Variants in DDX60L observed in about 807,000 individuals in gnomAD.
The protein encoded by DDX60L is probable ATP-dependent RNA helicase DDX60-like.
In DDX60L, 191 loss-of-function variants were observed where a neutral mutation model predicts 211.6. The observed-to-expected ratio is 0.90, with a 90% CI of 0.80 to 1.02. The LOEUF is 1.02. DDX60L is among the 50% of genes least tolerant of loss of function. DDX60L has a pLI of 0.00. For synonymous variants in DDX60L, 706 were observed against 694.1 expected, an observed-to-expected ratio of 1.02 and a Z score of -0.27; for missense variants, 2,007 against 1,984.1, an observed-to-expected ratio of 1.01 and a Z score of -0.22.
chr4:168,406,015 T>C lies in DDX60L; in HGVS notation c.3148A>G (p.Arg1050Gly), dbSNP rs1302592120. 2 of 1,603,714 alleles carry C rather than the reference T, an allele frequency of 1.2e-6. No individual in the cohort carries two copies. Among genetic ancestry groups the C allele is most frequent in the Admixed American group, 1.7e-5 (1 of 58,308 alleles). ...NKIVIKKLDA[R>G]KYEENLKAEL... ...GCCTTTAAGTTTTCTTCATATTTTC[T>C]AGCATCCAACTTCTTAATGACTATC... is the stretch of plus-strand genomic sequence containing the variant. Residue 1050 changes from arginine to glycine, a missense_variant, in exon 24 of 38, where the codon AGA becomes GGA. By Grantham distance (125) the Arg-to-Gly change is moderately radical (BLOSUM62 -2). Coordinates refer to ENST00000682922, the MANE Select transcript of DDX60L (RefSeq NM_001012967.3).
chr4:168,414,706 A>G (rs1749241625), intron 22 of DDX60L, among the ~76,000 whole-genome samples: 3 of 152,116 alleles, frequency 2.0e-5, no homozygotes, highest in Admixed American at 2.0e-4. Context: ...ATCGTTTGCA[A>G]CAACATAGAT....
intron 36 of DDX60L, among the ~76,000 whole-genome samples, chr4:168,368,343 T>C (rs187900876): frequency 6.6e-6 from 1 of 152,334 alleles, no homozygotes; most frequent in East Asian, 1.9e-4. Flanking sequence ...CCCCAAGCCT[T>C]GGTAGCTTCC....
intron 13 of DDX60L, among the ~76,000 whole-genome samples, chr4:168,428,079 C>A (rs2149919140): frequency 6.6e-6 from 1 of 152,326 alleles, no homozygotes; most frequent in South Asian, 2.1e-4. Flanking sequence ...CTGGGTGAGG[C>A]CCTTGCACAA....
intron 28 of DDX60L, among the ~76,000 whole-genome samples, chr4:168,393,157 A>G (rs527999019): frequency 6.6e-6 from 1 of 152,284 alleles, no homozygotes; most frequent in South Asian, 2.1e-4. Context: ...AAACAGCAAG[A>G]AACAACTTTT....
Position 168,373,814 on chromosome 4 carries a change from C to T in DDX60L, c.4634-6G>A. 1 of 1,612,216 alleles carries T rather than the reference C, an allele frequency of 6.2e-7. No individual in the cohort carries two copies. Among genetic ancestry groups the T allele is most frequent in the Non-Finnish European group, 8.5e-7 (1 of 1,179,088 alleles). On this transcript the variant is annotated splice_region_variant and splice_polypyrimidine_tract_variant and intron_variant, in intron 34 of 37. Coordinates refer to ENST00000682922, the MANE Select transcript of DDX60L (RefSeq NM_001012967.3). ...ACATTCTTTACCTGTGAATTCTGAC[C>T]ATTTTGGACTAGGTCACGTTAGGTT...
intron 28 of DDX60L, among the ~76,000 whole-genome samples, chr4:168,393,030 T>A (rs533138891): frequency 6.6e-6 from 1 of 152,346 alleles, no homozygotes; most frequent in Non-Finnish European, 1.5e-5. Flanking sequence ...GGAGTGACCT[T>A]TGCCCATAAT....
chr4:168,365,915 A>G (rs189400673), intron 36 of DDX60L, among the ~76,000 whole-genome samples: 28 of 152,312 alleles, frequency 1.8e-4, no homozygotes, highest in African/African-American at 6.5e-4. Flanking sequence ...ACAGGAAAAC[A>G]AAAACCATAT....
At chr4:168,434,316 T>C (rs2634945) in intron 10 of DDX60L, among the ~76,000 whole-genome samples, 67,316 of 152,014 alleles carry the variant, frequency 0.44, 15,213 homozygotes, top group South Asian at 0.53. Flanking sequence ...ATTGGACATG[T>C]GATTGACCTA....
chr4:168,388,195 A>G (rs1744216766), intron 29 of DDX60L, among the ~76,000 whole-genome samples: 1 of 152,186 alleles, frequency 6.6e-6, no homozygotes, highest in African/African-American at 2.4e-5. Flanking sequence ...CATTTCCCCA[A>G]AGCTGGAGTA....
chr4:168,421,994 T>G, intron 16 of DDX60L, 85 bp from the exon 17 acceptor site: 2 of 1,555,306 alleles, frequency 1.3e-6, no homozygotes, highest in Non-Finnish European at 1.8e-6. Flanking sequence ...ACCTTCTGTC[T>G]CCTGTGCCTG....
At chr4:168,449,073 A>AT (rs1254775737) in intron 8 of DDX60L, among the ~76,000 whole-genome samples, 2 of 152,200 alleles carry the variant, frequency 1.3e-5, no homozygotes, top group Non-Finnish European at 2.9e-5. Context: ...CACCTTTGTC[A>AT]TGCAGGTCCT....
Position 168,455,816 on chromosome 4 carries a change from CAT to C in DDX60L, c.837+221_837+222del, listed in dbSNP as rs1407620334. ...TTAAGAAAAACACTAAATTACGTAA[CAT>C]AATATTTTCTTATGTATACAGATTC... On this transcript the variant is annotated intron_variant, in intron 7 of 37. Transcript: ENST00000682922. 3.9e-5 allele frequency among the ~76,000 whole-genome samples: 6 copies of C among 152,228 alleles called. No individual in the cohort carries two copies. In the East Asian group the frequency reaches 7.7e-4, roughly 20 times the overall value.
chr4:168,421,634 G>A lies in DDX60L; in HGVS notation c.2394+126C>T, dbSNP rs1210839223. The A allele has an allele frequency of 1.1e-5, 14 of 1,320,174 alleles. No homozygotes were observed. In the East Asian group the frequency reaches 3.4e-4, roughly 32 times the overall value. The allele number at this position is 1,320,174 out of a possible 1,614,324, so 81.8% of individuals were successfully genotyped here. On this transcript the variant is annotated intron_variant, in intron 17 of 37. Transcript: ENST00000682922. ...CGCGCCACTGCACTCCAGCCTGAGT[G>A]ACAGAGCAAGACTCTGTCTCAAAAA...
intron 36 of DDX60L, among the ~76,000 whole-genome samples, chr4:168,365,776 A>G (rs1025039579): frequency 1.3e-5 from 2 of 152,192 alleles, no homozygotes; most frequent in Non-Finnish European, 2.9e-5. Context: ...AAAATTCTCA[A>G]CAAGATACTA....
At chr4:168,422,327 T>C (rs142391087) in intron 16 of DDX60L, among the ~76,000 whole-genome samples, 197 bp downstream of exon 16, 1 of 152,262 alleles carries the variant, frequency 6.6e-6, no homozygotes, top group East Asian at 1.9e-4. Flanking sequence ...TAACTTCCAC[T>C]GATGGTGAAA....
chr4:168,415,422 G>A lies in DDX60L; in HGVS notation c.2965C>T (p.Leu989=), dbSNP rs1427402879. Residue 989 remains leucine (L), a synonymous_variant, in exon 22 of 38, where the codon CTA becomes TTA. Transcript: ENST00000682922. ...TTTATACTTACAATATCTGTCGTTA[G>A]CGCAGCACAGGGATGAAAATGATCA... ...YFDHFHPCAA[L]TTDIIEKYGF... 7 of 1,602,600 alleles carry A rather than the reference G, an allele frequency of 4.4e-6. No homozygotes were observed. The highest frequency in any genetic ancestry group is 6.0e-6 in the Non-Finnish European group (7 of 1,173,840).
At chr4:168,404,556 A>G (rs958346758) in intron 24 of DDX60L, among the ~76,000 whole-genome samples, 1 of 152,160 alleles carries the variant, frequency 6.6e-6, no homozygotes, top group Non-Finnish European at 1.5e-5. Flanking sequence ...AATAATTTGT[A>G]ATAGTATACA....
At chr4:168,394,152 CGCCACTGCACTCCA>C (rs1345489436) in intron 28 of DDX60L, among the ~76,000 whole-genome samples, 1 of 151,068 alleles carries the variant, frequency 6.6e-6, no homozygotes, top group African/African-American at 2.4e-5. Flanking sequence ...GCCAAGATCG[CGCCACTGCACTCCA>C]GCCTGGAAAA....
At chr4:168,457,312 A>G (rs1324813126) in intron 6 of DDX60L, among the ~76,000 whole-genome samples, 2 of 151,652 alleles carry the variant, frequency 1.3e-5, no homozygotes, top group African/African-American at 4.8e-5. Flanking sequence ...ACACACACAC[A>G]ATATGTCCTC....
Sources: allele counts gnomAD v4.1 joint callset (sites outside exome capture counted in the v4.1 genomes callset), GRCh38; gene constraint gnomAD v4.1.1; transcripts MANE v1.5; gene names NCBI Gene and HGNC (gene_info 2026-07-23, HGNC 2026-07-21).